Variants in INPP4B observed in about 807,000 individuals in gnomAD.
The protein encoded by INPP4B is inositol polyphosphate 4-phosphatase type II.
A neutral mutation model predicts 122.5 loss-of-function variants in INPP4B; 55 were observed. That is an observed-to-expected ratio of 0.45 (90% CI 0.36 to 0.56). The LOEUF is 0.56. Ranked by LOEUF, INPP4B falls within the 20% of genes least tolerant of loss-of-function variation. The pLI is 0.00. For missense variants in INPP4B, 1,000 were observed against 1,097.7 expected, an observed-to-expected ratio of 0.91 and a Z score of 1.26; for synonymous variants, 403 against 388.7, an observed-to-expected ratio of 1.04 and a Z score of -0.43.
At chr4:142,186,188 ATT>A (rs1463137197) in intron 15 of INPP4B, among the ~76,000 whole-genome samples, 2 of 152,194 alleles carry the variant, frequency 1.3e-5, no homozygotes, top group Non-Finnish European at 2.9e-5. Context: ...CTTTCTATAT[ATT>A]TACATAAATA....
intron 3 of INPP4B, among the ~76,000 whole-genome samples, chr4:142,459,264 G>A (rs1290694421): frequency 2.1e-5 from 3 of 146,226 alleles, no homozygotes; most frequent in Non-Finnish European, 4.5e-5. Flanking sequence ...ACGGATCAAA[G>A]GACAGTGCCT....
intron 18 of INPP4B, 115 bp from the exon 19 acceptor site, chr4:142,124,875 G>T: frequency 1.3e-6 from 1 of 778,014 alleles, no homozygotes; most frequent in Non-Finnish European, 1.9e-6. Context: ...ATATTCTTAA[G>T]GATTCACAAA....
chr4:142,029,525 A>G (rs1738487765), intron 25 of INPP4B: 2 of 985,696 alleles, frequency 2.0e-6, no homozygotes, highest in African/African-American at 3.5e-5. Context: ...AGACCTTGTT[A>G]AAAAGAATAG....
At chr4:142,644,259 G>A (rs1751213210) in intron 2 of INPP4B, among the ~76,000 whole-genome samples, 1 of 142,460 alleles carries the variant, frequency 7.0e-6, no homozygotes, top group South Asian at 2.5e-4. Flanking sequence ...GAAGGAAGGG[G>A]GTCAGGAGGA....
At chr4:142,297,184 C>A (rs928820708) in intron 9 of INPP4B, among the ~76,000 whole-genome samples, 1 of 152,192 alleles carries the variant, frequency 6.6e-6, no homozygotes. Flanking sequence ...CTGATTCAAC[C>A]AAATTGCTGT....
At chr4:142,441,687 A>G (rs150036385) in intron 3 of INPP4B, among the ~76,000 whole-genome samples, 1 of 152,144 alleles carries the variant, frequency 6.6e-6, no homozygotes, top group Non-Finnish European at 1.5e-5. Flanking sequence ...GGACAAGAAA[A>G]GAAGTTAGTT....
intron 7 of INPP4B, among the ~76,000 whole-genome samples, chr4:142,380,165 C>T (rs1579901756): frequency 6.6e-6 from 1 of 152,314 alleles, no homozygotes; most frequent in East Asian, 1.9e-4. Flanking sequence ...ACATGAATTA[C>T]TTATCCTGTT....
At chr4:142,156,359 A>G (rs751745885) in intron 17 of INPP4B, among the ~76,000 whole-genome samples, 36 of 152,242 alleles carry the variant, frequency 2.4e-4, no homozygotes, top group Non-Finnish European at 5.1e-4. Context: ...GGTCAACTTA[A>G]TAGTTTGGTT....
intron 2 of INPP4B, among the ~76,000 whole-genome samples, chr4:142,503,635 A>G (rs1244501357): frequency 6.6e-6 from 1 of 152,132 alleles, no homozygotes; most frequent in African/African-American, 2.4e-5. Context: ...AACAGGACTT[A>G]AAGCAGATTG....
intron 1 of INPP4B, among the ~76,000 whole-genome samples, chr4:142,810,064 G>C (rs1359943728): frequency 6.6e-6 from 1 of 151,786 alleles, no homozygotes; most frequent in African/African-American, 2.4e-5. Context: ...CAGCTACTCG[G>C]GGGGCTGAGG....
chr4:142,187,198 A>G (rs1279259735), intron 15 of INPP4B, among the ~76,000 whole-genome samples: 1 of 152,172 alleles, frequency 6.6e-6, no homozygotes, highest in Non-Finnish European at 1.5e-5. Flanking sequence ...CCAAAAGAAA[A>G]AAAGGAACTG....
chr4:142,829,087 T>C (rs1781786458), intron 1 of INPP4B, among the ~76,000 whole-genome samples: 1 of 150,992 alleles, frequency 6.6e-6, no homozygotes, highest in South Asian at 2.1e-4. Context: ...TAAATAACTA[T>C]GCATGAAGTG....
At chr4:142,497,752 T>C (rs72946868) in intron 2 of INPP4B, among the ~76,000 whole-genome samples, 13 of 152,316 alleles carry the variant, frequency 8.5e-5, no homozygotes, top group African/African-American at 3.1e-4. Flanking sequence ...ACCAGTATAT[T>C]GTCACTAGCT....
At chr4:142,558,616 T>C (rs895129484) in intron 2 of INPP4B, among the ~76,000 whole-genome samples, 4 of 150,994 alleles carry the variant, frequency 2.6e-5, no homozygotes, top group Non-Finnish European at 1.5e-5. Context: ...TAACACAAGA[T>C]ACATTTATTT....
chr4:142,420,717 G>T (rs1806694715), intron 5 of INPP4B, among the ~76,000 whole-genome samples: 1 of 152,036 alleles, frequency 6.6e-6, no homozygotes, highest in Non-Finnish European at 1.5e-5. Flanking sequence ...CTTCACACAA[G>T]TGAATGAACT....
chr4:142,405,364 A>T, intron 5 of INPP4B, 40 bp from the exon 6 acceptor site: 1 of 1,218,300 alleles, frequency 8.2e-7, no homozygotes, highest in South Asian at 1.2e-5. Context: ...AGAAACTAAC[A>T]CCATATCTCA....
At chr4:142,294,829 C>CAAAAAAAAAAAAAAAAAAAAAAAGA (rs1757914473) in intron 9 of INPP4B, among the ~76,000 whole-genome samples, 1 of 28,462 alleles carries the variant, frequency 3.5e-5, no homozygotes, top group Non-Finnish European at 6.4e-5. Context: ...GACTCCGTCT[C>CAAAAAAAAAAAAAAAAAAAAAAAGA]AAAAAAAAAA....
chr4:142,466,261 G>A (rs1487859421), intron 2 of INPP4B, among the ~76,000 whole-genome samples: 1 of 152,146 alleles, frequency 6.6e-6, no homozygotes, highest in Non-Finnish European at 1.5e-5. Flanking sequence ...TGATGTCCAG[G>A]CTGAAGAGAT....
chr4:142,740,279 T>C lies in INPP4B; in HGVS notation c.-253-14378A>G, dbSNP rs1298166989. Among the ~76,000 whole-genome samples the C allele has an allele frequency of 2.6e-5, 4 of 151,908 alleles. No homozygotes were observed. In the South Asian group the frequency reaches 8.3e-4, roughly 31 times the overall value. On this transcript the variant is annotated intron_variant, in intron 1 of 25. Coordinates refer to ENST00000262992, the MANE Select transcript of INPP4B (RefSeq NM_001101669.3). ...GGAATTATAGTTGAATACCTCCATA[T>C]CCCACTATCAAAGTATGACAGAAAA...
Sources: allele counts gnomAD v4.1 joint callset (sites outside exome capture counted in the v4.1 genomes callset), GRCh38; gene constraint gnomAD v4.1.1; transcripts MANE v1.5; gene names NCBI Gene and HGNC (gene_info 2026-07-23, HGNC 2026-07-21).